ARHGEF16: variants seen among roughly 807,000 people sequenced by gnomAD.
ARHGEF16 encodes the protein Rho guanine nucleotide exchange factor 16.
In ARHGEF16, 59 loss-of-function variants were observed where a neutral mutation model predicts 74.1. That is an observed-to-expected ratio of 0.80 (90% confidence interval 0.65 to 0.99). ARHGEF16 has a LOEUF of 0.99. ARHGEF16 is among the 50% of genes least tolerant of loss of function. The probability of loss-of-function intolerance (pLI) is 0.00; values close to 1 mark genes in which losing one functional copy is unlikely to be tolerated. For missense variants in ARHGEF16, 948 were observed against 986.6 expected, an observed-to-expected ratio of 0.96 and a Z score of 0.52; for synonymous variants, 415 against 412.6, an observed-to-expected ratio of 1.01 and a Z score of -0.07.
At chr1:3,474,663 G>C (rs1411425607) in intron 8 of ARHGEF16, 45 bp from the exon 9 acceptor site, 1 of 1,578,112 alleles carries the variant, frequency 6.3e-7, no homozygotes, top group African/African-American at 1.3e-5. Context: ...TCCACACCTG[G>C]GATGCCAGAG....
intron 6 of ARHGEF16, among the ~76,000 whole-genome samples, chr1:3,472,556 A>C (rs1208952118): frequency 6.6e-6 from 1 of 152,214 alleles, no homozygotes; most frequent in East Asian, 1.9e-4. Context: ...TTTGGGACTC[A>C]TCCTTGGAAG....
Position 3,468,879 on chromosome 1 carries a change from G to A in ARHGEF16, c.805-1G>A. 6.4e-7 allele frequency: 1 copy of A among 1,550,474 alleles called. No homozygotes were observed. Among genetic ancestry groups the A allele is most frequent in the Non-Finnish European group, 8.7e-7 (1 of 1,146,874 alleles). Reference sequence around the variant, plus strand: ...GAGCTCCTGGGCCTGTGTCCCCCCAGGTGGTGGAATTGGGCATCCTGGACC... The same window carrying A: ...GAGCTCCTGGGCCTGTGTCCCCCCAAGTGGTGGAATTGGGCATCCTGGACC... On this transcript the variant is annotated splice_acceptor_variant, in intron 4 of 14. Coordinates refer to ENST00000378378, the MANE Select transcript of ARHGEF16 (RefSeq NM_014448.4). LOFTEE classifies it high-confidence loss of function.
intron 10 of ARHGEF16, among the ~76,000 whole-genome samples, chr1:3,476,415 CTCCTT>C (rs1639877732): frequency 1.3e-5 from 2 of 152,132 alleles, no homozygotes; most frequent in African/African-American, 4.8e-5. Context: ...GGGGCCAGCG[CTCCTT>C]GCTGGCCCCT....
intron 1 of ARHGEF16, among the ~76,000 whole-genome samples, chr1:3,460,673 A>G (rs573391909): frequency 4.6e-5 from 7 of 152,200 alleles, no homozygotes; most frequent in African/African-American, 1.4e-4. Flanking sequence ...AAACGCAGAC[A>G]CCCTACTGTG....
chr1:3,470,027 G>A (rs561444722), intron 6 of ARHGEF16, among the ~76,000 whole-genome samples: 28 of 152,304 alleles, frequency 1.8e-4, no homozygotes, highest in African/African-American at 6.5e-4. Context: ...CTGAGCTCTG[G>A]TTGCAGGGCC....
intron 8 of ARHGEF16, 181 bp downstream of exon 8, chr1:3,473,703 A>T: frequency 9.8e-7 from 1 of 1,022,242 alleles, no homozygotes; most frequent in Non-Finnish European, 1.4e-6. Context: ...GGTCGCCGCC[A>T]CCCACAGAGC....
chr1:3,478,456 A>G lies in ARHGEF16; in HGVS notation c.1658A>G (p.Gln553Arg), dbSNP rs199700720. Residue 553 changes from glutamine (Q) to arginine (R), a missense_variant, in exon 12 of 15, where the codon CAG becomes CGG. Gln to Arg is a conservative substitution (Grantham distance 43, BLOSUM62 1). Transcript: ENST00000378378. ...EESYMVQDYA[Q>R]MNHIQVEKIE... ...AGCTACATGGTCCAGGACTACGCCC[A>G]GATGAACCACATCCAGGTGGAGAAG... The G allele has an allele frequency of 1.7e-4, 270 of 1,611,630 alleles. No individual in the cohort carries two copies. Among genetic ancestry groups the G allele is most frequent in the Non-Finnish European group, 7.0e-5 (82 of 1,179,324 alleles).
At position 3,471,714 on chromosome 1, in the gene ARHGEF16, C is replaced by T. The variant is rs185926767; in HGVS notation, c.1023-1364C>T. The T allele has an allele frequency of 8.6e-5, 106 of 1,226,352 alleles. No homozygotes were observed. In the African/African-American group the frequency reaches 1.6e-3, roughly 18 times the overall value. 76.0% of individuals were successfully genotyped at this position (1,226,352 alleles called of 1,614,324 possible). A position where few individuals can be genotyped will look rare whatever the true frequency, so the allele number is the denominator to read the frequency against. On this transcript the variant is annotated intron_variant, in intron 6 of 14. Coordinates refer to ENST00000378378, the MANE Select transcript of ARHGEF16 (RefSeq NM_014448.4). The stretch of plus-strand genomic sequence containing the variant: ...ATTGCTGCCCTGGGGCGGGAAGCTC[C>T]GGCCTCCTCCCCCAGCTGGGCCCCC...
chr1:3,460,969 G>GGACA (rs1323749627), intron 1 of ARHGEF16, among the ~76,000 whole-genome samples: 1 of 152,070 alleles, frequency 6.6e-6, no homozygotes, highest in African/African-American at 2.4e-5. Context: ...GGTGCCCTGT[G>GGACA]GACACTCCAA....
In ARHGEF16 at chr1:3,479,882, G is replaced by A. The variant is rs1364080724; in HGVS notation, c.1959G>A (p.Ala653=). ...KQADEVTLQQ[A]DVVLVLQQED... Reference sequence around the variant, plus strand: ...CAGACGAGGTCACACTGCAGCAGGCGGACGTGGTCCTGGTTCTGCAGCAGG... The same window carrying A: ...CAGACGAGGTCACACTGCAGCAGGCAGACGTGGTCCTGGTTCTGCAGCAGG... Residue 653 remains alanine (A), a synonymous_variant, in exon 14 of 15, where the codon GCG becomes GCA. Transcript: ENST00000378378. 5.0e-6 allele frequency: 8 copies of A among 1,612,268 alleles called. No homozygotes were observed. Among genetic ancestry groups the A allele is most frequent in the Admixed American group, 1.7e-5 (1 of 60,012 alleles).
At chr1:3,472,763 G>A (rs1293303042) in intron 6 of ARHGEF16, 2 of 309,760 alleles carry the variant, frequency 6.5e-6, no homozygotes, top group Non-Finnish European at 1.2e-5. Flanking sequence ...GGTCCAAATG[G>A]GCCCGCCTTT....
At chr1:3,462,116 CG>C (rs1454073045) in intron 1 of ARHGEF16, among the ~76,000 whole-genome samples, 1 of 151,670 alleles carries the variant, frequency 6.6e-6, no homozygotes, top group African/African-American at 2.4e-5. Context: ...GGGCAGCCCA[CG>C]GGGTGTGGGG....
chr1:3,469,643 C>T (rs551071126), intron 6 of ARHGEF16, 50 bp downstream of exon 6: 3 of 1,604,956 alleles, frequency 1.9e-6, no homozygotes, highest in Non-Finnish European at 2.6e-6. Context: ...CAGGAAGGTG[C>T]CTCCCCCCGT....
At chr1:3,477,825 C>T (rs1557698343) in intron 10 of ARHGEF16, 50 bp from the exon 11 acceptor site, 1 of 1,563,914 alleles carries the variant, frequency 6.4e-7, no homozygotes. Flanking sequence ...CCGGCTCTGT[C>T]CCCCCCAGTC....
intron 3 of ARHGEF16, among the ~76,000 whole-genome samples, chr1:3,466,638 G>A (rs1639552933): frequency 6.6e-6 from 1 of 152,190 alleles, no homozygotes; most frequent in African/African-American, 2.4e-5. Flanking sequence ...GCTCGGGGGA[G>A]ATGAGAACAT....
At position 3,480,498 on chromosome 1, in the gene ARHGEF16, G is replaced by A. The variant is rs56309807; in HGVS notation, c.2041G>A (p.Glu681Lys). ...GGACGGAGAGACGGGATGGTTCCCC[G>A]AGGACTTTGCCCGCTTCATCACCAG... ...LRDGETGWFP[E>K]DFARFITSRV... The change falls in exon 15 of 15, where the codon GAG becomes AAG. Residue 681 changes from glutamate to lysine, a missense_variant. By Grantham distance (56) the Glu-to-Lys change is moderately conservative. Transcript: ENST00000378378. The A allele has an allele frequency of 0.022, 36,033 of 1,612,520 alleles. 509 individuals are homozygous for A. Among genetic ancestry groups the A allele is most frequent in the African/African-American group, 0.032 (2,429 of 75,058 alleles).
intron 1 of ARHGEF16, among the ~76,000 whole-genome samples, chr1:3,456,154 C>T (rs1639260064): frequency 6.6e-6 from 1 of 152,270 alleles, no homozygotes; most frequent in East Asian, 1.9e-4. Flanking sequence ...TCCCTGAGGT[C>T]GCTGGCTCTT....
intron 6 of ARHGEF16, among the ~76,000 whole-genome samples, chr1:3,469,821 G>T (rs573680846): frequency 6.6e-6 from 1 of 152,182 alleles, no homozygotes; most frequent in Non-Finnish European, 1.5e-5. Context: ...GTGGCATCCT[G>T]GTCGTTCTTA....
chr1:3,476,000 A>T lies in ARHGEF16; in HGVS notation c.1411A>T (p.Arg471Trp). 6.4e-7 allele frequency: 1 copy of T among 1,557,142 alleles called. No homozygotes were observed. The highest frequency in any genetic ancestry group is 8.7e-7 in the Non-Finnish European group (1 of 1,150,484). Residue 471 changes from arginine to tryptophan, a missense_variant, in exon 10 of 15, where the codon AGG becomes TGG. Physicochemically the swap from Arg to Trp is moderately radical, Grantham distance 101. Coordinates refer to ENST00000378378, the MANE Select transcript of ARHGEF16 (RefSeq NM_014448.4). Reference sequence around the variant, plus strand: ...GAGGCAGTGCAACGAGGGGGCCCACAGGATGGAGCGCATGGAGCAGATGTA... The same window carrying T: ...GAGGCAGTGCAACGAGGGGGCCCACTGGATGGAGCGCATGGAGCAGATGTA... ...LVRQCNEGAH[R>W]MERMEQMYTL...
Sources: gnomAD v4.1 joint callset for allele counts (sites outside exome capture counted in the v4.1 genomes callset) on GRCh38, gnomAD v4.1.1 for gene constraint, MANE v1.5 for transcripts, NCBI Gene and HGNC (gene_info 2026-07-23, HGNC 2026-07-21) for gene names.